BORCS5: variants seen among roughly 807,000 people sequenced by gnomAD.
The protein encoded by BORCS5 is BLOC-1 related complex subunit 5.
Under a neutral mutation model 22.1 loss-of-function variants are expected in BORCS5, and 17 were observed. The ratio of observed to expected loss-of-function variants is 0.77; its 90% CI spans 0.53 to 1.15. BORCS5 has a LOEUF of 1.15. Among genes scored for constraint, BORCS5 ranks in the 50% most tolerant of loss-of-function variants. The pLI, the probability that BORCS5 is intolerant of heterozygous loss-of-function variation, is 0.00. For missense variants in BORCS5, 247 were observed against 253.2 expected (o/e 0.98, Z 0.17); for synonymous variants, 117 against 99.8 (o/e 1.17, Z -1.03).
intron 3 of BORCS5, among the ~76,000 whole-genome samples, chr12:12,440,129 G>A (rs961611806): frequency 6.6e-6 from 1 of 152,186 alleles, no homozygotes; most frequent in Admixed American, 6.5e-5. Context: ...CTTAAGTCTG[G>A]ATCAAAGGGA....
At chr12:12,368,251 A>T (rs1592056300) in intron 2 of BORCS5, among the ~76,000 whole-genome samples, 1 of 147,252 alleles carries the variant, frequency 6.8e-6, no homozygotes. Context: ...TTAGTTTATG[A>T]TACCTCCCCA....
intron 2 of BORCS5, among the ~76,000 whole-genome samples, chr12:12,396,266 T>C (rs778481984): frequency 3.3e-5 from 5 of 151,292 alleles, no homozygotes; most frequent in Non-Finnish European, 7.3e-5. Context: ...GGATTACAGG[T>C]GTGAGCAACC....
intron 2 of BORCS5, among the ~76,000 whole-genome samples, chr12:12,388,249 T>G (rs933207640): frequency 6.6e-6 from 1 of 151,300 alleles, no homozygotes; most frequent in African/African-American, 2.4e-5. Flanking sequence ...GTGTTTTTCC[T>G]GAGACTTTAA....
In BORCS5 at chr12:12,357,398, C is replaced by G; in HGVS notation, c.-54C>G. ...TGGCCCCTGCCCTGTCGCCCGCCGC[C>G]GGAGCGGTGACCGCCCGGCCCGCCG... On this transcript the variant is annotated 5_prime_UTR_variant, in exon 1 of 4. Coordinates refer to ENST00000314565, the MANE Select transcript of BORCS5 (RefSeq NM_058169.6). 5 of 1,585,714 alleles carry G rather than the reference C, an allele frequency of 3.2e-6. No homozygotes were observed. The highest frequency in any genetic ancestry group is 4.3e-6 in the Non-Finnish European group (5 of 1,161,892).
In BORCS5 at chr12:12,465,755, C is replaced by G. The variant is rs370730226; in HGVS notation, c.570C>G (p.Pro190=). 3 of 1,613,146 alleles carry G rather than the reference C, an allele frequency of 1.9e-6. No individual in the cohort carries two copies. Among genetic ancestry groups the G allele is most frequent in the South Asian group, 1.1e-5 (1 of 91,040 alleles). The change falls in exon 4 of 4, where the codon CCC becomes CCG. Residue 190 remains proline (P), a synonymous_variant. Coordinates refer to ENST00000314565, the MANE Select transcript of BORCS5 (RefSeq NM_058169.6). ...GERLEPFSMK[P]DRELRL is the part of the protein sequence containing the mutation. ...GGCTGGAGCCCTTCAGCATGAAGCCCGACCGCGAGCTCAGGCTGTAGCTGC... is the reference window on the plus strand; with the variant it reads ...GGCTGGAGCCCTTCAGCATGAAGCCGGACCGCGAGCTCAGGCTGTAGCTGC...
chr12:12,465,062 T>G (rs1371146005), intron 3 of BORCS5, among the ~76,000 whole-genome samples: 1 of 152,038 alleles, frequency 6.6e-6, no homozygotes, highest in Non-Finnish European at 1.5e-5. Context: ...GCTTCGACCT[T>G]CTGGACTCAA....
chr12:12,359,978 G>T (rs748974898), intron 1 of BORCS5, among the ~76,000 whole-genome samples: 13 of 152,038 alleles, frequency 8.6e-5, no homozygotes, highest in Non-Finnish European at 1.5e-4. Context: ...GATAGCAGGA[G>T]AATTAAAGAG....
chr12:12,423,506 A>G (rs1942196585), intron 2 of BORCS5, among the ~76,000 whole-genome samples: 1 of 120,130 alleles, frequency 8.3e-6, no homozygotes, highest in Admixed American at 1.0e-4. Flanking sequence ...TTTTTGAAGG[A>G]TAGTTTTACT....
intron 2 of BORCS5, among the ~76,000 whole-genome samples, chr12:12,428,615 G>A (rs904571817): frequency 6.6e-6 from 1 of 152,208 alleles, no homozygotes; most frequent in Non-Finnish European, 1.5e-5. Context: ...TTGCTTAACT[G>A]TAAGGAACAT....
chr12:12,367,696 A>G (rs1045898140), intron 2 of BORCS5, among the ~76,000 whole-genome samples: 1 of 152,150 alleles, frequency 6.6e-6, no homozygotes, highest in Non-Finnish European at 1.5e-5. Context: ...TCTCACCAGA[A>G]CACCCTCATC....
intron 2 of BORCS5, among the ~76,000 whole-genome samples, chr12:12,386,465 T>TTTTA (rs1172809780): frequency 2.0e-5 from 3 of 150,322 alleles, no homozygotes; most frequent in African/African-American, 7.4e-5. Context: ...TTTTTTTTTT[T>TTTTA]TTATTTGTTC....
chr12:12,395,583 G>A (rs1292212815), intron 2 of BORCS5, among the ~76,000 whole-genome samples: 1 of 151,770 alleles, frequency 6.6e-6, no homozygotes, highest in African/African-American at 2.4e-5. Context: ...TACCATGCCC[G>A]GCAAGGTGGG....
chr12:12,394,619 C>T (rs1004902548), intron 2 of BORCS5, among the ~76,000 whole-genome samples: 6 of 151,872 alleles, frequency 4.0e-5, no homozygotes, highest in Admixed American at 1.3e-4. Context: ...CTGCCTTGGC[C>T]TCCTGAGTAG....
intron 1 of BORCS5, among the ~76,000 whole-genome samples, chr12:12,359,613 T>C (rs1863230188): frequency 1.3e-5 from 2 of 150,818 alleles, no homozygotes; most frequent in African/African-American, 2.4e-5. Flanking sequence ...CCACCTGGCT[T>C]GGCCTCCCAA....
chr12:12,369,187 G>C (rs1430788005), intron 2 of BORCS5, among the ~76,000 whole-genome samples: 1 of 152,116 alleles, frequency 6.6e-6, no homozygotes, highest in Non-Finnish European at 1.5e-5. Flanking sequence ...TGCTACCTAT[G>C]TGTTATTACC....
intron 2 of BORCS5, among the ~76,000 whole-genome samples, chr12:12,370,899 C>T (rs1224566965): frequency 6.6e-6 from 1 of 152,064 alleles, no homozygotes; most frequent in Non-Finnish European, 1.5e-5. Context: ...CAGGCGCCCA[C>T]CATCATGCCC....
chr12:12,416,779 CTTTTTTT>C (rs36106735), intron 2 of BORCS5, among the ~76,000 whole-genome samples: 1 of 112,216 alleles, frequency 8.9e-6, no homozygotes, highest in Non-Finnish European at 1.8e-5. Context: ...TTAATGTAAA[CTTTTTTT>C]TTTTTTTTTT....
At chr12:12,402,980 CATT>C (rs1007600238) in intron 2 of BORCS5, among the ~76,000 whole-genome samples, 1 of 152,070 alleles carries the variant, frequency 6.6e-6, no homozygotes, top group Non-Finnish European at 1.5e-5. Flanking sequence ...AGGTACTACT[CATT>C]ATTATTTCTT....
At chr12:12,404,399 G>T (rs1432462353) in intron 2 of BORCS5, among the ~76,000 whole-genome samples, 1 of 152,218 alleles carries the variant, frequency 6.6e-6, no homozygotes, top group Non-Finnish European at 1.5e-5. Context: ...GTCTTCTAGA[G>T]TGGATGAACA....
Sources: gnomAD v4.1 joint callset for allele counts (sites outside exome capture counted in the v4.1 genomes callset) on GRCh38, gnomAD v4.1.1 for gene constraint, MANE v1.5 for transcripts, NCBI Gene and HGNC (gene_info 2026-07-23, HGNC 2026-07-21) for gene names.